Variants in ACSF2 observed in about 807,000 individuals in gnomAD.
ACSF2 encodes medium-chain acyl-CoA ligase ACSF2, mitochondrial.
Under a neutral mutation model 79.3 loss-of-function variants are expected in ACSF2, and 52 were observed. The observed-to-expected ratio is 0.66, with a 90% CI of 0.53 to 0.83. ACSF2 has a LOEUF of 0.83. Among genes scored for constraint, ACSF2 ranks in the 40% least tolerant of loss-of-function variants. The pLI is 0.00. For missense variants in ACSF2, 661 were observed against 803.3 expected (o/e 0.82, Z 2.14); for synonymous variants, 283 against 312.6 (o/e 0.91, Z 1.00).
chr17:50,436,738 CTT>C (rs79314993), intron 1 of ACSF2, among the ~76,000 whole-genome samples: 5 of 132,258 alleles, frequency 3.8e-5, no homozygotes, highest in Non-Finnish European at 3.3e-5. Context: ...CCAGGCAGTT[CTT>C]TTTTTTTTTT....
intron 1 of ACSF2, among the ~76,000 whole-genome samples, chr17:50,453,290 C>CCT (rs1413639381): frequency 2.0e-5 from 3 of 151,610 alleles, no homozygotes; most frequent in African/African-American, 7.3e-5. Flanking sequence ...CTCACTGCAA[C>CCT]CTCTACCTCT....
At chr17:50,437,744 T>G (rs1210443514) in intron 1 of ACSF2, among the ~76,000 whole-genome samples, 3 of 152,196 alleles carry the variant, frequency 2.0e-5, no homozygotes, top group African/African-American at 7.2e-5. Flanking sequence ...GCTTCATCTT[T>G]TGGATATTGT....
At position 50,426,293 on chromosome 17, in the gene ACSF2, G is replaced by T; in HGVS notation, c.32G>T (p.Gly11Val). Reference sequence around the variant, plus strand: ...GTCTACGTCGGGATGCTGCGCCTGGGGAGGCTGTGCGCCGGGAGCTCGGGG... The same window carrying T: ...GTCTACGTCGGGATGCTGCGCCTGGTGAGGCTGTGCGCCGGGAGCTCGGGG... MAVYVGMLRL[G>V]RLCAGSSGVL... The change falls in exon 1 of 16, where the codon GGG becomes GTG. Residue 11 changes from glycine (G) to valine (V), a missense_variant. Physicochemically the swap from Gly to Val is moderately radical, Grantham distance 109. Coordinates refer to ENST00000300441, the MANE Select transcript of ACSF2 (RefSeq NM_025149.6). 1 of 1,418,018 alleles carries T rather than the reference G, an allele frequency of 7.1e-7. No individual in the cohort carries two copies. Among genetic ancestry groups the T allele is most frequent in the East Asian group, 2.8e-5 (1 of 36,208 alleles). The allele number at this position is 1,418,018 out of a possible 1,614,324, so 87.8% of individuals were successfully genotyped here.
chr17:50,450,515 A>C (rs2031602687), intron 1 of ACSF2: 1 of 151,952 alleles, frequency 6.6e-6, no homozygotes, highest in East Asian at 1.9e-4. Flanking sequence ...AAAAAAAAAA[A>C]AGTGATCCTG....
At chr17:50,470,639 G>A (rs895375218) in intron 10 of ACSF2, among the ~76,000 whole-genome samples, 6 of 152,024 alleles carry the variant, frequency 3.9e-5, no homozygotes, top group African/African-American at 1.2e-4. Flanking sequence ...GAGGAGCCGG[G>A]GATGTGGCCT....
chr17:50,448,525 GA>G (rs1190881496), intron 1 of ACSF2, among the ~76,000 whole-genome samples: 2 of 152,098 alleles, frequency 1.3e-5, no homozygotes, highest in East Asian at 1.9e-4. Flanking sequence ...ATAACAAACA[GA>G]AAAAAAGTCT....
chr17:50,461,167 A>G (rs1177754776), intron 2 of ACSF2, 75 bp from the exon 3 acceptor site: 2 of 1,601,768 alleles, frequency 1.2e-6, no homozygotes, highest in Non-Finnish European at 1.7e-6. Context: ...CTCCGGGCTA[A>G]GGGCTGAGGG....
chr17:50,435,734 A>C (rs909931291), intron 1 of ACSF2, among the ~76,000 whole-genome samples: 12 of 152,072 alleles, frequency 7.9e-5, no homozygotes, highest in African/African-American at 2.7e-4. Flanking sequence ...CAATTTAAAA[A>C]AATTTTTTTA....
rs202107007 is a variant in ACSF2 at position 50,426,402 on chromosome 17, C to A, written c.128+13C>A. The A allele has an allele frequency of 6.1e-3, 8,091 of 1,316,300 alleles. 39 individuals are homozygous for A. The highest frequency in any genetic ancestry group is 7.1e-3 in the Non-Finnish European group (7,317 of 1,025,698). The allele number at this position is 1,316,300 out of a possible 1,614,324, so 81.5% of individuals were successfully genotyped here. On this transcript the variant is annotated intron_variant, in intron 1 of 15. Coordinates refer to ENST00000300441, the MANE Select transcript of ACSF2 (RefSeq NM_025149.6). ...TCCGCTTCCTCAGGTACTGGCCCCCCGCGGGAAGAGAGGGGGCGGGGCAGT... is the reference window on the plus strand; with the variant it reads ...TCCGCTTCCTCAGGTACTGGCCCCCAGCGGGAAGAGAGGGGGCGGGGCAGT...
In ACSF2 at chr17:50,457,188, C is replaced by T. The variant is rs538786106; in HGVS notation, c.129-3489C>T. On this transcript the variant is annotated intron_variant, in intron 1 of 15. Coordinates refer to ENST00000300441, the MANE Select transcript of ACSF2 (RefSeq NM_025149.6). Reference sequence around the variant, plus strand: ...CCTGCTCTAGGTGACAGTTTCTGAGCTCTTACTCAGACCTAGGTGGGAATG... The same window carrying T: ...CCTGCTCTAGGTGACAGTTTCTGAGTTCTTACTCAGACCTAGGTGGGAATG... 2.0e-5 allele frequency among the ~76,000 whole-genome samples: 3 copies of T among 152,360 alleles called. No individual in the cohort carries two copies. The East Asian group carries it at 5.8e-4, about 29-fold the overall frequency.
In ACSF2 at chr17:50,461,671, G is replaced by A. The variant is rs2032335905; in HGVS notation, c.492G>A (p.Glu164=). Residue 164 remains glutamate, a synonymous_variant, in exon 4 of 16, where the codon GAG becomes GAA. Coordinates refer to ENST00000300441, the MANE Select transcript of ACSF2 (RefSeq NM_025149.6). The part of the protein sequence containing the change: ...VNPAYQAMEL[E]YVLKKVGCKA... ...CAGCCTACCAGGCTATGGAACTGGA[G>A]TATGTCCTCAAGAAGGTACAGCTCA... 2 of 1,614,024 alleles carry A rather than the reference G, an allele frequency of 1.2e-6. No homozygotes were observed. Among genetic ancestry groups the A allele is most frequent in the Non-Finnish European group, 1.7e-6 (2 of 1,180,008 alleles).
intron 1 of ACSF2, among the ~76,000 whole-genome samples, chr17:50,430,925 TGCTGA>T (rs1161528209): frequency 2.0e-5 from 3 of 152,226 alleles, no homozygotes; most frequent in Non-Finnish European, 2.9e-5. Context: ...CTCAGACAGC[TGCTGA>T]GCTATTTTTC....
intron 2 of ACSF2, 103 bp from the exon 3 acceptor site, chr17:50,461,139 C>G: frequency 6.5e-7 from 1 of 1,536,404 alleles, no homozygotes; most frequent in Non-Finnish European, 8.8e-7. Context: ...CCTTTGTCCC[C>G]AGTGACTGTG....
chr17:50,469,098 C>A (rs1598434018), intron 10 of ACSF2: 1 of 1,184,144 alleles, frequency 8.4e-7, no homozygotes, highest in African/African-American at 1.6e-5. Context: ...AGCCCTGAGC[C>A]CCGGCTGTAG....
At chr17:50,473,530 T>C in intron 12 of ACSF2, 135 bp from the exon 13 acceptor site, 1 of 1,253,020 alleles carries the variant, frequency 8.0e-7, no homozygotes, top group Non-Finnish European at 1.1e-6. Context: ...AGACTGTGTC[T>C]TGTTCCTGCT....
In ACSF2 at chr17:50,465,662, A is replaced by G. The variant is rs150841188; in HGVS notation, c.1215+1368A>G. Reference sequence around the variant, plus strand: ...CTTAGTGCAGGGCTAATGTGCCTCTATCACATGAGGGTGGGCTCTGGGAGT... The same window carrying G: ...CTTAGTGCAGGGCTAATGTGCCTCTGTCACATGAGGGTGGGCTCTGGGAGT... On this transcript the variant is annotated intron_variant, in intron 10 of 15. Transcript: ENST00000300441. 104 of 1,606,284 alleles carry G rather than the reference A, an allele frequency of 6.5e-5. No homozygotes were observed. The Middle Eastern group carries it at 1.0e-3, about 16-fold the overall frequency.
At chr17:50,430,614 G>A (rs55772291) in intron 1 of ACSF2, among the ~76,000 whole-genome samples, 11,838 of 152,230 alleles carry the variant, frequency 0.078, 638 homozygotes, top group Middle Eastern at 0.13. Flanking sequence ...GCAGTGAGCC[G>A]AGATTGTGCC....
chr17:50,442,559 A>G (rs149213859), intron 1 of ACSF2, among the ~76,000 whole-genome samples: 1,770 of 151,972 alleles, frequency 0.012, 34 homozygotes, highest in African/African-American at 0.04. Flanking sequence ...TTGACCTACT[A>G]GGCTCAATCA....
chr17:50,462,768 T>G (rs1333581396), intron 6 of ACSF2, 183 bp downstream of exon 6: 1 of 700,372 alleles, frequency 1.4e-6, no homozygotes, highest in Non-Finnish European at 2.3e-6. Context: ...TTTCCTCCCC[T>G]AGCCCCCCGC....
Sources: allele counts gnomAD v4.1 joint callset (sites outside exome capture counted in the v4.1 genomes callset), GRCh38; gene constraint gnomAD v4.1.1; transcripts MANE v1.5; gene names NCBI Gene and HGNC (gene_info 2026-07-23, HGNC 2026-07-21).